SNX27: variants seen among roughly 807,000 people sequenced by gnomAD.
The protein encoded by SNX27 is sorting nexin-27.
SNX27 carries 22 observed loss-of-function variants against 71.6 expected under a neutral mutation model. That is an observed-to-expected ratio of 0.31 (90% CI 0.22 to 0.44). The LOEUF is 0.44. Ranked by LOEUF, SNX27 falls within the 20% of genes least tolerant of loss-of-function variation. The probability of loss-of-function intolerance (pLI) is 1.00; values close to 1 mark genes in which losing one functional copy is unlikely to be tolerated. For synonymous variants in SNX27, 269 were observed against 277.2 expected (o/e 0.97, Z 0.29); for missense variants, 531 against 698.6 (o/e 0.76, Z 2.70).
rs1558028756 is a variant in SNX27, at chr1:151,612,618, GC to G, written c.311+108del. Reference sequence around the variant, plus strand: ...AGGCCGCACCTCCCCCGAGCTCCGAGCCGGCCTCCGGACCCCCGCCCCTCAG... The same window carrying G: ...AGGCCGCACCTCCCCCGAGCTCCGAGCGGCCTCCGGACCCCCGCCCCTCAG... On this transcript the variant is annotated intron_variant, in intron 1 of 11. Coordinates refer to ENST00000458013, the MANE Select transcript of SNX27 (RefSeq NM_001330723.2). This position sits in a 1 kb window ranked among gnomAD's most constrained non-coding sequence, Gnocchi z 5.2. 2 of 930,084 alleles carry G rather than the reference GC, an allele frequency of 2.2e-6. No individual in the cohort carries two copies. Among genetic ancestry groups the G allele is most frequent in the Non-Finnish European group, 1.4e-6 (1 of 705,846 alleles). 57.6% of individuals were successfully genotyped at this position (930,084 alleles called of 1,614,324 possible).
At chr1:151,624,216 T>C (rs561702837) in intron 1 of SNX27, among the ~76,000 whole-genome samples, 1 of 152,084 alleles carries the variant, frequency 6.6e-6, no homozygotes, top group South Asian at 2.1e-4. Flanking sequence ...TCCTCCTGCC[T>C]TGGCCTCCCA....
intron 8 of SNX27, among the ~76,000 whole-genome samples, chr1:151,686,230 C>G (rs1223452406): frequency 6.6e-6 from 1 of 152,234 alleles, no homozygotes; most frequent in Non-Finnish European, 1.5e-5. Context: ...AACACACTAT[C>G]TTTCCATCTA....
chr1:151,651,192 C>T (rs1201735419), intron 2 of SNX27, among the ~76,000 whole-genome samples: 2 of 146,510 alleles, frequency 1.4e-5, no homozygotes, highest in East Asian at 4.3e-4. Flanking sequence ...GCAGAGGCGC[C>T]CCTCACCTCC....
intron 8 of SNX27, 36 bp from the exon 9 acceptor site, chr1:151,692,390 TTCCTGTTTC>T: frequency 6.7e-7 from 1 of 1,488,268 alleles, no homozygotes; most frequent in Non-Finnish European, 8.9e-7. Flanking sequence ...GTAACCCTGT[TTCCTGTTTC>T]TCCTTCCTTT....
At chr1:151,621,844 T>C (rs1667690176) in intron 1 of SNX27, among the ~76,000 whole-genome samples, 1 of 152,266 alleles carries the variant, frequency 6.6e-6, no homozygotes, top group Admixed American at 6.5e-5. Context: ...TTTCTACTTA[T>C]TTTGCTGATC....
chr1:151,639,234 C>T, intron 2 of SNX27, 115 bp downstream of exon 2: 1 of 830,350 alleles, frequency 1.2e-6, no homozygotes, highest in Non-Finnish European at 1.9e-6. Flanking sequence ...AGTTTGTCTA[C>T]CAGGAGGATG....
In SNX27 at chr1:151,612,714, G is replaced by A. The variant is rs1667238117; in HGVS notation, c.311+202G>A. Among the ~76,000 whole-genome samples, 1 of 152,032 alleles carries A rather than the reference G, an allele frequency of 6.6e-6. No homozygotes were observed. Among genetic ancestry groups the A allele is most frequent in the African/African-American group, 2.4e-5 (1 of 41,390 alleles). ...CCGCCCCGGGGCTTCTGCGACGCCGGTCTCCCACCCCGTCGTCTCCAGCTG... is the reference window on the plus strand; with the variant it reads ...CCGCCCCGGGGCTTCTGCGACGCCGATCTCCCACCCCGTCGTCTCCAGCTG... On this transcript the variant is annotated intron_variant, in intron 1 of 11. Transcript: ENST00000458013. The surrounding 1 kb of genome is among the most constrained non-coding windows in gnomAD (Gnocchi z 5.2).
intron 7 of SNX27, among the ~76,000 whole-genome samples, chr1:151,670,404 A>T (rs553032276): frequency 2.6e-5 from 4 of 152,314 alleles, no homozygotes; most frequent in African/African-American, 9.6e-5. Context: ...TCTTTTGGGT[A>T]TATACCCAGC....
chr1:151,616,597 G>A (rs1667436596), intron 1 of SNX27, among the ~76,000 whole-genome samples: 1 of 152,162 alleles, frequency 6.6e-6, no homozygotes, highest in Admixed American at 6.5e-5. Flanking sequence ...TAAAGAGGCT[G>A]GTGCCACAAG....
At chr1:151,679,504 C>G (rs984130857) in intron 7 of SNX27, 3 of 152,144 alleles carry the variant, frequency 2.0e-5, no homozygotes, top group African/African-American at 4.8e-5. Flanking sequence ...CGTAAACTTG[C>G]AAGGACAAAG....
Position 151,681,477 on chromosome 1 carries a change from C to T in SNX27, c.1150-1879C>T, listed in dbSNP as rs539527752. The stretch of plus-strand genomic sequence containing the variant: ...CAGGATGGTCTCGATCTCCTGACCT[C>T]GTGATCCACCCGCCTTGGCCTCCCA... On this transcript the variant is annotated intron_variant, in intron 7 of 11. Transcript: ENST00000458013. Among the ~76,000 whole-genome samples, 9 of 151,928 alleles carry T rather than the reference C, an allele frequency of 5.9e-5. No homozygotes were observed. The South Asian group carries it at 1.5e-3, about 25-fold the overall frequency.
intron 3 of SNX27, 148 bp downstream of exon 3, chr1:151,658,575 G>A: frequency 2.6e-6 from 2 of 776,110 alleles, no homozygotes; most frequent in Non-Finnish European, 2.0e-6. Flanking sequence ...AACTTTGAAG[G>A]CAAAACTGAA....
Position 151,612,168 on chromosome 1 carries a change from T to C in SNX27, c.-34T>C, listed in dbSNP as rs906399575. 6.1e-6 allele frequency: 8 copies of C among 1,308,578 alleles called. No individual in the cohort carries two copies. The African/African-American group carries it at 1.1e-4, about 18-fold the overall frequency. The allele number at this position is 1,308,578 out of a possible 1,614,324, so 81.1% of individuals were successfully genotyped here. A position where few individuals can be genotyped will look rare whatever the true frequency, so the allele number is the denominator to read the frequency against. On this transcript the variant is annotated 5_prime_UTR_variant, in exon 1 of 12. Transcript: ENST00000458013. This position sits in a 1 kb window ranked among gnomAD's most constrained non-coding sequence, Gnocchi z 5.2. ...CACGCGCCGGGAGGCCTTGGAGGCGTAGGGGGCGGGGGTACGGCTCGCCTG... is the reference window on the plus strand; with the variant it reads ...CACGCGCCGGGAGGCCTTGGAGGCGCAGGGGGCGGGGGTACGGCTCGCCTG...
rs959716492 is a variant in SNX27 at position 151,695,210 on chromosome 1, T to C, written c.*793T>C. 2.6e-5 allele frequency: 4 copies of C among 152,446 alleles called. No homozygotes were observed. The highest frequency in any genetic ancestry group is 5.9e-5 in the Non-Finnish European group (4 of 68,034). The allele number at this position is 152,446 out of a possible 1,614,324, so 9.4% of individuals were successfully genotyped here. A position where few individuals can be genotyped will look rare whatever the true frequency, so the allele number is the denominator to read the frequency against. ...CTGCAGGGAGAGCCTGAAGTCCTGG[T>C]ATGGGCTCTTGATTCTGTGACAATT... On this transcript the variant is annotated 3_prime_UTR_variant, in exon 12 of 12. Transcript: ENST00000458013.
At position 151,694,379 on chromosome 1, in the gene SNX27, C is replaced by G. The variant is rs1402578485; in HGVS notation, c.1588C>G (p.Gln530Glu). The G allele has an allele frequency of 2.6e-6, 4 of 1,549,752 alleles. No individual in the cohort carries two copies. In the African/African-American group the frequency reaches 5.5e-5, roughly 21 times the overall value. The change falls in exon 12 of 12, where the codon CAG becomes GAG. Residue 530 changes from glutamine (Q) to glutamate (E), a missense_variant. Gln to Glu is a conservative substitution (Grantham distance 29). This residue lies in a region of SNX27 where 157 missense variants were observed against 178.4 expected (regional missense o/e 0.88). Transcript: ENST00000458013. ...ELKWRKENIF[Q>E]MARSQQRDVA... The stretch of plus-strand genomic sequence containing the variant: ...TTTTTTTTCCTTTCAGAACATTTTC[C>G]AGATGGCGAGGTCACAGCAGAGAGA...
intron 7 of SNX27, chr1:151,678,207 T>C (rs1230209606): frequency 2.0e-5 from 3 of 152,222 alleles, no homozygotes; most frequent in African/African-American, 7.2e-5. Flanking sequence ...CAGAACTCTT[T>C]TAATCTTGCA....
At chr1:151,639,142 C>G in intron 2 of SNX27, 23 bp downstream of exon 2, 5 of 1,582,670 alleles carry the variant, frequency 3.2e-6, no homozygotes, top group Non-Finnish European at 4.3e-6. Flanking sequence ...CCAACTCGAT[C>G]CTCGAACATC....
At chr1:151,652,062 G>C (rs1020300070) in intron 2 of SNX27, among the ~76,000 whole-genome samples, 3 of 151,974 alleles carry the variant, frequency 2.0e-5, no homozygotes, top group Admixed American at 6.6e-5. Flanking sequence ...GTGGCGGCGC[G>C]AGCCTGCAAT....
chr1:151,637,265 G>A (rs1402249070), intron 1 of SNX27, among the ~76,000 whole-genome samples: 5 of 146,020 alleles, frequency 3.4e-5, no homozygotes, highest in African/African-American at 7.5e-5. Flanking sequence ...TGCAAGCTCC[G>A]CCTGCCGGGT....
Sources: allele counts gnomAD v4.1 joint callset (sites outside exome capture counted in the v4.1 genomes callset), GRCh38; gene constraint gnomAD v4.1.1; regional missense constraint gnomAD v4.1.1; non-coding constraint Gnocchi (gnomAD v3.1); transcripts MANE v1.5; gene names NCBI Gene and HGNC (gene_info 2026-07-23, HGNC 2026-07-21).